Variants in RNF216 observed in about 807,000 individuals in gnomAD.
RNF216 encodes E3 ubiquitin-protein ligase RNF216.
Under a neutral mutation model 110.8 loss-of-function variants are expected in RNF216, and 72 were observed. The ratio of observed to expected loss-of-function variants is 0.65; its 90% confidence interval spans 0.54 to 0.79. RNF216 has a LOEUF of 0.79. Among genes scored for constraint, RNF216 ranks in the 30% least tolerant of loss-of-function variants. The pLI, the probability that RNF216 is intolerant of heterozygous loss-of-function variation, is 0.00. For synonymous variants in RNF216, 495 were observed against 407.5 expected, an observed-to-expected ratio of 1.21 and a Z score of -2.59; for missense variants, 1,342 against 1,141.2, an observed-to-expected ratio of 1.18 and a Z score of -2.54.
chr7:5,640,100 G>C (rs1209297865), intron 15 of RNF216, among the ~76,000 whole-genome samples: 3 of 148,486 alleles, frequency 2.0e-5, no homozygotes, highest in Non-Finnish European at 4.5e-5. Context: ...GTCTCACTAT[G>C]TTAACCAGGC....
chr7:5,698,208 C>CA (rs1460871679), intron 13 of RNF216, among the ~76,000 whole-genome samples: 2 of 152,150 alleles, frequency 1.3e-5, no homozygotes, highest in Non-Finnish European at 2.9e-5. Flanking sequence ...GAGGGACACT[C>CA]AAAAGGTCAT....
chr7:5,760,843 T>C (rs1011637727), intron 2 of RNF216, among the ~76,000 whole-genome samples, 160 bp downstream of exon 2: 1 of 152,248 alleles, frequency 6.6e-6, no homozygotes, highest in Admixed American at 6.5e-5. Flanking sequence ...GCCAGCAATA[T>C]CATTATCTGA....
intron 13 of RNF216, among the ~76,000 whole-genome samples, chr7:5,667,337 C>A (rs976670708): frequency 2.0e-5 from 3 of 152,142 alleles, no homozygotes; most frequent in African/African-American, 7.2e-5. Flanking sequence ...AGTTTAAAAG[C>A]CATTAATTTA....
intron 11 of RNF216, among the ~76,000 whole-genome samples, chr7:5,714,698 T>TA (rs1312343974): frequency 6.6e-6 from 1 of 152,224 alleles, no homozygotes; most frequent in Non-Finnish European, 1.5e-5. Context: ...GAGAGAGAAA[T>TA]ATGATCTTGT....
At chr7:5,718,314 G>C (rs1461300594) in intron 9 of RNF216, among the ~76,000 whole-genome samples, 2 of 152,148 alleles carry the variant, frequency 1.3e-5, no homozygotes, top group African/African-American at 4.8e-5. Flanking sequence ...CCAGGAGTCA[G>C]ACGTTGCAGT....
At chr7:5,766,962 A>T (rs1796241028) in intron 1 of RNF216, 1 of 152,214 alleles carries the variant, frequency 6.6e-6, no homozygotes, top group Non-Finnish European at 1.5e-5. Context: ...ATAAAATTAC[A>T]AGCCAAAATG....
intron 15 of RNF216, among the ~76,000 whole-genome samples, chr7:5,636,757 T>C (rs1787420417): frequency 1.3e-5 from 2 of 152,312 alleles, no homozygotes; most frequent in African/African-American, 4.8e-5. Context: ...TTGGAGGGAT[T>C]TGTATTTGCC....
intron 5 of RNF216, among the ~76,000 whole-genome samples, chr7:5,732,097 A>T (rs1347348052): frequency 6.6e-6 from 1 of 152,158 alleles, no homozygotes; most frequent in Non-Finnish European, 1.5e-5. Flanking sequence ...GCCCAAAGAG[A>T]GGAAAAAAAG....
chr7:5,766,739 G>C (rs1427795509), intron 1 of RNF216, among the ~76,000 whole-genome samples: 1 of 152,322 alleles, frequency 6.6e-6, no homozygotes, highest in East Asian at 1.9e-4. Context: ...TGGAATTACA[G>C]AAACAACACA....
intron 8 of RNF216, 45 bp from the exon 9 acceptor site, chr7:5,721,217 T>G (rs781721251): frequency 1.3e-6 from 2 of 1,590,866 alleles, no homozygotes; most frequent in South Asian, 2.2e-5. Context: ...CAACTATGTG[T>G]TAGGAACCTG....
intron 16 of RNF216, among the ~76,000 whole-genome samples, chr7:5,623,682 C>T (rs565495484): frequency 7.2e-5 from 11 of 152,088 alleles, no homozygotes; most frequent in African/African-American, 2.7e-4. Flanking sequence ...GATGCTCCCA[C>T]CTCTGCCTCC....
intron 3 of RNF216, among the ~76,000 whole-genome samples, chr7:5,742,355 T>C (rs1021533769): frequency 6.6e-6 from 1 of 152,034 alleles, no homozygotes; most frequent in Admixed American, 6.6e-5. Flanking sequence ...CCCTGAATTA[T>C]AATTTAACCT....
chr7:5,628,072 G>C (rs1005844479), intron 15 of RNF216, among the ~76,000 whole-genome samples: 3 of 152,176 alleles, frequency 2.0e-5, no homozygotes, highest in East Asian at 3.8e-4. Flanking sequence ...GCCATTCAGA[G>C]TTCTTCCTGG....
At chr7:5,665,555 G>T (rs1036617182) in intron 13 of RNF216, among the ~76,000 whole-genome samples, 1 of 152,084 alleles carries the variant, frequency 6.6e-6, no homozygotes, top group African/African-American at 2.4e-5. Context: ...CTGTGCTAAT[G>T]CTGCCCCCTA....
intron 13 of RNF216, among the ~76,000 whole-genome samples, chr7:5,699,373 C>A (rs1399643648): frequency 6.6e-6 from 1 of 152,200 alleles, no homozygotes; most frequent in African/African-American, 2.4e-5. Flanking sequence ...CACTTACTAG[C>A]TGTGTGACTT....
intron 13 of RNF216, among the ~76,000 whole-genome samples, chr7:5,703,096 T>C (rs945996131): frequency 6.6e-5 from 10 of 152,196 alleles, no homozygotes; most frequent in Non-Finnish European, 8.8e-5. Context: ...CAGGTCACAT[T>C]CCATGATGAG....
At chr7:5,718,907 C>T (rs531940594) in intron 9 of RNF216, among the ~76,000 whole-genome samples, 100 of 152,246 alleles carry the variant, frequency 6.6e-4, no homozygotes, top group South Asian at 3.7e-3. Flanking sequence ...GATTGCCTGC[C>T]TTGGCCTCCC....
intron 15 of RNF216, among the ~76,000 whole-genome samples, chr7:5,627,850 G>A (rs529013058): frequency 6.6e-6 from 1 of 152,210 alleles, no homozygotes; most frequent in African/African-American, 2.4e-5. Context: ...AAGAGCTCTG[G>A]CCCCCTGTGG....
At chr7:5,693,434 A>G (rs920674015) in intron 13 of RNF216, among the ~76,000 whole-genome samples, 7 of 152,230 alleles carry the variant, frequency 4.6e-5, no homozygotes, top group African/African-American at 1.7e-4. Flanking sequence ...AAATGTACTG[A>G]AATTGTTCCC....
Sources: gnomAD v4.1 joint callset for allele counts (sites outside exome capture counted in the v4.1 genomes callset) on GRCh38, gnomAD v4.1.1 for gene constraint, MANE v1.5 for transcripts, NCBI Gene and HGNC (gene_info 2026-07-23, HGNC 2026-07-21) for gene names.